AADAT: variants seen among roughly 807,000 people sequenced by gnomAD.
AADAT encodes kynurenine/alpha-aminoadipate aminotransferase, mitochondrial.
AADAT carries 25 observed loss-of-function variants against 56.2 expected under a neutral mutation model. That is an observed-to-expected ratio of 0.44 (90% CI 0.32 to 0.62). AADAT has a LOEUF of 0.62. Among genes scored for constraint, AADAT ranks in the 20% least tolerant of loss-of-function variants. The pLI is 0.04. For synonymous variants in AADAT, 173 were observed against 164.7 expected (o/e 1.05, Z -0.39); for missense variants, 387 against 510.5 (o/e 0.76, Z 2.33).
intron 11 of AADAT, among the ~76,000 whole-genome samples, chr4:170,062,551 A>G (rs1731245491): frequency 6.6e-6 from 1 of 152,194 alleles, no homozygotes; most frequent in African/African-American, 2.4e-5. Flanking sequence ...AAATAAAAGT[A>G]TTAAATAAGC....
chr4:170,086,557 TG>T (rs773395194), intron 3 of AADAT, among the ~76,000 whole-genome samples: 3 of 152,144 alleles, frequency 2.0e-5, no homozygotes, highest in Non-Finnish European at 4.4e-5. Context: ...CTCAGGAATA[TG>T]AAAGCATGCC....
intron 11 of AADAT, among the ~76,000 whole-genome samples, chr4:170,064,102 A>G (rs923972784): frequency 1.3e-5 from 2 of 152,218 alleles, no homozygotes; most frequent in Non-Finnish European, 2.9e-5. Flanking sequence ...TCAAGGAACT[A>G]TACTATAAAT....
chr4:170,072,906 T>C (rs1469033742), intron 5 of AADAT, among the ~76,000 whole-genome samples: 1 of 152,202 alleles, frequency 6.6e-6, no homozygotes, highest in Non-Finnish European at 1.5e-5. Flanking sequence ...CTGTTTCTTT[T>C]ATATTAAAAC....
chr4:170,073,793 C>T (rs970160139), intron 4 of AADAT, among the ~76,000 whole-genome samples: 3 of 152,178 alleles, frequency 2.0e-5, no homozygotes, highest in Admixed American at 2.0e-4. Flanking sequence ...GCTGCCACGC[C>T]CCTGGGGCAG....
chr4:170,086,832 G>A (rs910478945), intron 3 of AADAT, among the ~76,000 whole-genome samples: 3 of 152,186 alleles, frequency 2.0e-5, no homozygotes, highest in Non-Finnish European at 4.4e-5. Flanking sequence ...TGTTCACAAT[G>A]AGGAAAACTA....
intron 4 of AADAT, among the ~76,000 whole-genome samples, chr4:170,077,216 A>G (rs1475240376): frequency 6.6e-6 from 1 of 152,072 alleles, no homozygotes; most frequent in Non-Finnish European, 1.5e-5. Flanking sequence ...TGGCTTTTCC[A>G]TTTCTACAAA....
chr4:170,088,639 G>T, intron 1 of AADAT, 75 bp from the exon 2 acceptor site: 1 of 1,446,076 alleles, frequency 6.9e-7, no homozygotes, highest in Non-Finnish European at 9.6e-7. Context: ...ATGCATTATA[G>T]TCAATAAAAC....
upstream of AADAT, among the ~76,000 whole-genome samples, chr4:170,091,265 C>T (rs1215097109): frequency 2.6e-5 from 4 of 152,116 alleles, no homozygotes; most frequent in African/African-American, 4.8e-5. Context: ...GCTGTGCGGG[C>T]GCTTGCGAGC....
At chr4:170,088,601 G>T in intron 1 of AADAT, 37 bp from the exon 2 acceptor site, 1 of 1,578,250 alleles carries the variant, frequency 6.3e-7, no homozygotes, top group Non-Finnish European at 8.7e-7. Flanking sequence ...CAATTTCATT[G>T]AAGATTGTTA....
At position 170,073,238 on chromosome 4, in the gene AADAT, C is replaced by A. The variant is rs1731860021; in HGVS notation, c.552G>T (p.Lys184Asn). 2 of 1,613,888 alleles carry A rather than the reference C, an allele frequency of 1.2e-6. No homozygotes were observed. The highest frequency in any genetic ancestry group is 1.7e-5 in the Admixed American group (1 of 59,978). ...ILSRWKPEDA[K>N]NPQKNTPKFL... ...ATTTGGGGGTGTTTTTCTGGGGATT[C>A]TTTGCATCTTCTGGTTTCCATCTGG... The change falls in exon 5 of 13, where the codon AAG (lysine) becomes AAT (asparagine). Residue 184 changes from lysine (K) to asparagine (N), a missense_variant. By Grantham distance (94) the Lys-to-Asn change is moderately conservative. Transcript: ENST00000337664.
chr4:170,064,877 G>T, intron 10 of AADAT, 52 bp from the exon 11 acceptor site: 2 of 1,497,924 alleles, frequency 1.3e-6, no homozygotes, highest in Non-Finnish European at 9.2e-7. Context: ...CATTTTTGAT[G>T]ATATCAAAGT....
chr4:170,061,008 G>A (rs1731162930), intron 12 of AADAT, 39 bp from the exon 13 acceptor site: 2 of 1,353,358 alleles, frequency 1.5e-6, no homozygotes, highest in East Asian at 5.1e-5. Flanking sequence ...ATTAAATTAG[G>A]ATACTATATT....
intron 6 of AADAT, 185 bp downstream of exon 6, chr4:170,070,402 T>C (rs1429419379): frequency 2.0e-6 from 1 of 497,780 alleles, no homozygotes; most frequent in Non-Finnish European, 3.6e-6. Flanking sequence ...AAAAGAAAGG[T>C]ACTAATTCCA....
At chr4:170,072,816 A>G (rs531423047) in intron 5 of AADAT, among the ~76,000 whole-genome samples, 1 of 152,366 alleles carries the variant, frequency 6.6e-6, no homozygotes, top group African/African-American at 2.4e-5. Flanking sequence ...AGACAAGTTA[A>G]CAACACAGAA....
Position 170,078,491 on chromosome 4 carries a change from G to A in AADAT, c.444+18C>T. 6.5e-7 allele frequency: 1 copy of A among 1,543,526 alleles called. No individual in the cohort carries two copies. Among genetic ancestry groups the A allele is most frequent in the Non-Finnish European group, 8.9e-7 (1 of 1,125,500 alleles). On this transcript the variant is annotated intron_variant, in intron 4 of 12. Coordinates refer to ENST00000337664, the MANE Select transcript of AADAT (RefSeq NM_016228.4). ...ATTTACTACAAGAGAGTTGCCTTTA[G>A]TAAAAATGTATACTCACACTTTGAA...
intron 3 of AADAT, among the ~76,000 whole-genome samples, chr4:170,085,826 A>G (rs1360154234): frequency 6.6e-6 from 1 of 152,148 alleles, no homozygotes; most frequent in East Asian, 1.9e-4. Flanking sequence ...GTAACCCATT[A>G]TTCTGTAACA....
At chr4:170,074,800 T>A (rs78324841) in intron 4 of AADAT, among the ~76,000 whole-genome samples, 2,901 of 152,256 alleles carry the variant, frequency 0.019, 96 homozygotes, top group African/African-American at 0.065. Context: ...CTGAACTGGC[T>A]TGTACTGGCA....
upstream of AADAT, chr4:170,090,501 G>C (rs1210322911): frequency 6.6e-6 from 1 of 152,190 alleles, no homozygotes; most frequent in African/African-American, 2.4e-5. Context: ...CTTTCTCGAA[G>C]ATCTCAGCAT....
chr4:170,087,977 A>C (rs778677719), intron 2 of AADAT, among the ~76,000 whole-genome samples: 2 of 150,572 alleles, frequency 1.3e-5, no homozygotes, highest in Admixed American at 6.6e-5. Context: ...CAGGATGCTT[A>C]AACTTTAAAA....
Sources: allele counts gnomAD v4.1 joint callset (sites outside exome capture counted in the v4.1 genomes callset), GRCh38; gene constraint gnomAD v4.1.1; transcripts MANE v1.5; gene names NCBI Gene and HGNC (gene_info 2026-07-23, HGNC 2026-07-21).